PCDHA12: variants seen among roughly 807,000 people sequenced by gnomAD.
PCDHA12 encodes the protein protocadherin alpha-12.
Under a neutral mutation model 60.0 loss-of-function variants are expected in PCDHA12, and 44 were observed. The observed-to-expected ratio is 0.73, with a 90% CI of 0.58 to 0.94. The LOEUF is 0.94. Among genes scored for constraint, PCDHA12 ranks in the 40% least tolerant of loss-of-function variants. PCDHA12 has a pLI of 0.00. For missense variants in PCDHA12, 1,276 were observed against 1,239.7 expected, an observed-to-expected ratio of 1.03 and a Z score of -0.44; for synonymous variants, 569 against 553.0, an observed-to-expected ratio of 1.03 and a Z score of -0.40.
intron 1 of PCDHA12, among the ~76,000 whole-genome samples, chr5:140,976,505 C>T (rs538128648): frequency 3.3e-5 from 5 of 152,122 alleles, no homozygotes; most frequent in East Asian, 3.9e-4. Flanking sequence ...GAGCCAAGAT[C>T]GCGCCACTGC....
intron 1 of PCDHA12, among the ~76,000 whole-genome samples, chr5:140,893,180 C>G (rs1388898676): frequency 6.6e-6 from 1 of 152,208 alleles, no homozygotes; most frequent in Non-Finnish European, 1.5e-5. Context: ...CACATAGTAG[C>G]TATTGTGAAT....
chr5:140,986,011 T>A (rs1172713730), intron 3 of PCDHA12, among the ~76,000 whole-genome samples: 1 of 152,184 alleles, frequency 6.6e-6, no homozygotes, highest in Non-Finnish European at 1.5e-5. Flanking sequence ...AGTGCTGGGA[T>A]TACAGGCGTG....
At position 140,909,867 on chromosome 5, in the gene PCDHA12, C is replaced by T. The variant is rs544055697; in HGVS notation, c.2367+32028C>T. Among the ~76,000 whole-genome samples the T allele has an allele frequency of 2.8e-4, 43 of 152,282 alleles. 1 individual carries two copies. The highest frequency in any genetic ancestry group is 4.9e-4 in the Non-Finnish European group (33 of 68,020). On this transcript the variant is annotated intron_variant, in intron 1 of 3. Coordinates refer to ENST00000398631, the MANE Select transcript of PCDHA12 (RefSeq NM_018903.4). ...GACGTTTTCGGTCCCCTGGAGTCAA[C>T]GTCAGCTTAGAGACACTGTTCAGTA...
chr5:140,884,872 T>C (rs1427684688), intron 1 of PCDHA12, among the ~76,000 whole-genome samples: 1 of 152,216 alleles, frequency 6.6e-6, no homozygotes, highest in African/African-American at 2.4e-5. Context: ...CATAATGAAA[T>C]GTGCAAAACA....
intron 1 of PCDHA12, among the ~76,000 whole-genome samples, chr5:140,890,662 C>T (rs75284753): frequency 0.011 from 1,622 of 152,252 alleles, 17 homozygotes; most frequent in African/African-American, 0.028. Flanking sequence ...CAAAAGTTAA[C>T]TGAAACCCTT....
At chr5:141,002,555 A>T (rs1349538713) in intron 3 of PCDHA12, among the ~76,000 whole-genome samples, 1 of 152,222 alleles carries the variant, frequency 6.6e-6, no homozygotes, top group African/African-American at 2.4e-5. Flanking sequence ...CCCAGGATCC[A>T]CCAGTTAGTG....
intron 1 of PCDHA12, among the ~76,000 whole-genome samples, chr5:140,971,061 G>A (rs2096454888): frequency 6.6e-6 from 1 of 152,154 alleles, no homozygotes; most frequent in Non-Finnish European, 1.5e-5. Context: ...TTTAAATAAG[G>A]TTGCTGTAGA....
intron 1 of PCDHA12, chr5:140,966,946 C>T: frequency 6.2e-7 from 1 of 1,603,486 alleles, no homozygotes; most frequent in Non-Finnish European, 8.5e-7. Flanking sequence ...TCGTGGGCAA[C>T]GTGGCTCGCG....
intron 1 of PCDHA12, among the ~76,000 whole-genome samples, chr5:140,941,246 T>C (rs1332165821): frequency 7.1e-6 from 1 of 141,078 alleles, no homozygotes; most frequent in East Asian, 2.0e-4. Flanking sequence ...TTTCTTTCTT[T>C]CTTTCTTTCT....
intron 1 of PCDHA12, among the ~76,000 whole-genome samples, chr5:140,962,009 G>C (rs545144318): frequency 1.3e-4 from 19 of 151,596 alleles, no homozygotes; most frequent in African/African-American, 3.6e-4. Flanking sequence ...TCAGCTTCCC[G>C]AGTAGCTGGG....
chr5:140,889,388 A>C (rs1554183883), intron 1 of PCDHA12, among the ~76,000 whole-genome samples: 1 of 152,070 alleles, frequency 6.6e-6, no homozygotes, highest in African/African-American at 2.4e-5. Context: ...AGGACCATTC[A>C]GAGTTTAATT....
chr5:140,978,427 GTTGCT>G (rs2096802128), intron 1 of PCDHA12, among the ~76,000 whole-genome samples: 1 of 152,196 alleles, frequency 6.6e-6, no homozygotes, highest in Non-Finnish European at 1.5e-5. Context: ...ACTGTTATCA[GTTGCT>G]GGTGTTATGA....
chr5:140,962,171 G>T (rs1218733161), intron 1 of PCDHA12, among the ~76,000 whole-genome samples: 1 of 151,902 alleles, frequency 6.6e-6, no homozygotes, highest in Admixed American at 6.6e-5. Flanking sequence ...CACCACACCC[G>T]GCCACTTATA....
chr5:140,940,940 G>A (rs187772223), intron 1 of PCDHA12, among the ~76,000 whole-genome samples: 2 of 152,254 alleles, frequency 1.3e-5, no homozygotes, highest in Non-Finnish European at 2.9e-5. Context: ...CTTAGACTAC[G>A]TATTCTCAGA....
chr5:140,966,909 T>C, intron 1 of PCDHA12: 1 of 1,601,466 alleles, frequency 6.2e-7, no homozygotes, highest in Non-Finnish European at 8.5e-7. Context: ...CGATACTCTG[T>C]GCCAGAGGAG....
At chr5:141,005,288 T>A (rs908780920) in intron 3 of PCDHA12, among the ~76,000 whole-genome samples, 1 of 152,176 alleles carries the variant, frequency 6.6e-6, no homozygotes. Flanking sequence ...AACAGATACA[T>A]TTTTTGCCTT....
chr5:140,987,398 A>G (rs935672912), intron 3 of PCDHA12, among the ~76,000 whole-genome samples: 4 of 152,140 alleles, frequency 2.6e-5, no homozygotes, highest in African/African-American at 9.7e-5. Context: ...CAAGGAAGCC[A>G]TCTGTTTATG....
Position 140,884,013 on chromosome 5 carries a change from C to T in PCDHA12, c.2367+6174C>T, listed in dbSNP as rs148971741. The T allele has an allele frequency of 5.1e-5, 82 of 1,613,132 alleles. No homozygotes were observed. The African/African-American group carries it at 9.2e-4, about 18-fold the overall frequency. On this transcript the variant is annotated intron_variant, in intron 1 of 3. Transcript: ENST00000398631. ...GGAGGCACAGTGAGCGAGCTGATGC[C>T]GCGGTCGGTGGGTGCAGGCCACGTG...
chr5:140,978,601 G>A (rs1382051729), intron 1 of PCDHA12, among the ~76,000 whole-genome samples: 1 of 152,244 alleles, frequency 6.6e-6, no homozygotes, highest in African/African-American at 2.4e-5. Flanking sequence ...TGGGGCACTT[G>A]AGGGCAAAAG....
Sources: gnomAD v4.1 joint callset for allele counts (sites outside exome capture counted in the v4.1 genomes callset) on GRCh38, gnomAD v4.1.1 for gene constraint, MANE v1.5 for transcripts, NCBI Gene and HGNC (gene_info 2026-07-23, HGNC 2026-07-21) for gene names.